INSYN2A: variants seen among roughly 807,000 people sequenced by gnomAD.
INSYN2A encodes the protein inhibitory synaptic factor 2A.
Under a neutral mutation model 39.4 loss-of-function variants are expected in INSYN2A, and 17 were observed. That is an observed-to-expected ratio of 0.43 (90% CI 0.30 to 0.65). The LOEUF is 0.65. Among genes scored for constraint, INSYN2A ranks in the 30% least tolerant of loss-of-function variants. The pLI is 0.14. For missense variants in INSYN2A, 595 were observed against 631.2 expected (o/e 0.94, Z 0.61); for synonymous variants, 255 against 265.7 (o/e 0.96, Z 0.39).
At chr10:127,186,828 G>A (rs780891465) in intron 2 of INSYN2A, among the ~76,000 whole-genome samples, 13 of 152,022 alleles carry the variant, frequency 8.6e-5, no homozygotes, top group East Asian at 1.9e-4. Context: ...TTAGGGGAAC[G>A]GTGAGTCGAG....
intron 1 of INSYN2A, among the ~76,000 whole-genome samples, 168 bp downstream of exon 1, chr10:127,195,829 C>T (rs1403773243): frequency 6.6e-6 from 1 of 152,166 alleles, no homozygotes; most frequent in African/African-American, 2.4e-5. Context: ...CTCCCGGCTG[C>T]ACCGGGGTGT....
rs528851154 is a variant in INSYN2A at position 127,164,372 on chromosome 10, G to A, written c.1185-10449C>T. ...CTAATTTTTGTATTTTTGTAGACAC[G>A]GGATTTCACCATGTTGGCCAGGCTG... On this transcript the variant is annotated intron_variant, in intron 4 of 5. Coordinates refer to ENST00000522781, the MANE Select transcript of INSYN2A (RefSeq NM_001039762.3). 4.0e-3 allele frequency among the ~76,000 whole-genome samples: 613 copies of A among 151,718 alleles called. 1 individual carries two copies. Among genetic ancestry groups the A allele is most frequent in the Admixed American group, 7.1e-3 (109 of 15,246 alleles).
At chr10:127,174,187 C>G (rs2133872754) in intron 4 of INSYN2A, among the ~76,000 whole-genome samples, 1 of 152,352 alleles carries the variant, frequency 6.6e-6, no homozygotes, top group Non-Finnish European at 1.5e-5. Context: ...GCTTGCTAAA[C>G]CCAGGGCTCA....
Position 127,175,737 on chromosome 10 carries a change from G to C in INSYN2A, c.659C>G (p.Pro220Arg). The change falls in exon 4 of 6, where the codon CCC (proline) becomes CGC (arginine). Residue 220 changes from proline to arginine, a missense_variant. By Grantham distance (103) the Pro-to-Arg change is moderately radical (BLOSUM62 -2). This residue lies in a region of INSYN2A where 478 missense variants were observed against 467.4 expected (regional missense o/e 1.02). Coordinates refer to ENST00000522781, the MANE Select transcript of INSYN2A (RefSeq NM_001039762.3). The surrounding 1 kb of genome is among the most constrained non-coding windows in gnomAD (Gnocchi z 6.3). ...GGCCCTCCCGAGCAGCTGGTAATCGGGCTCTTCGGATGGAGGCCGAGTGGA... is the reference window on the plus strand; with the variant it reads ...GGCCCTCCCGAGCAGCTGGTAATCGCGCTCTTCGGATGGAGGCCGAGTGGA... ...QNSTRPPSEE[P>R]DYQLLGRAKQ... The C allele has an allele frequency of 6.2e-7, 1 of 1,614,098 alleles. No individual in the cohort carries two copies. Among genetic ancestry groups the C allele is most frequent in the Non-Finnish European group, 8.5e-7 (1 of 1,180,042 alleles).
chr10:127,140,149 C>CT (rs537727819), intron 5 of INSYN2A, among the ~76,000 whole-genome samples: 9 of 152,182 alleles, frequency 5.9e-5, no homozygotes, highest in Non-Finnish European at 1.0e-4. Context: ...ATCTCCTAGG[C>CT]TAACAGTACA....
intron 2 of INSYN2A, among the ~76,000 whole-genome samples, chr10:127,183,173 A>G (rs1171013242): frequency 1.4e-5 from 2 of 147,642 alleles, no homozygotes; most frequent in Admixed American, 1.4e-4. Flanking sequence ...CCTAAAAATG[A>G]CTTATATCAA....
At chr10:127,184,201 T>A (rs2055999906) in intron 2 of INSYN2A, among the ~76,000 whole-genome samples, 1 of 152,150 alleles carries the variant, frequency 6.6e-6, no homozygotes, top group Admixed American at 6.5e-5. Context: ...AAGGCAGGAC[T>A]GGACTTGGTT....
At chr10:127,172,910 G>A (rs2054714338) in intron 4 of INSYN2A, among the ~76,000 whole-genome samples, 1 of 152,160 alleles carries the variant, frequency 6.6e-6, no homozygotes, top group Admixed American at 6.5e-5. Flanking sequence ...TGTGGCTATC[G>A]AGCATTTGAA....
rs1331672769 is a variant in INSYN2A at position 127,175,948 on chromosome 10, T to C, written c.448A>G (p.Lys150Glu). The part of the protein sequence containing the change: ...NNGFLTDAKE[K>E]NEAGPMEEAR... The stretch of plus-strand genomic sequence containing the variant: ...TCCTCCATGGGTCCAGCCTCGTTCT[T>C]CTCTTTCGCATCTGTTAGAAACCCA... The change falls in exon 4 of 6, where the codon AAG becomes GAG. Residue 150 changes from lysine (K) to glutamate (E), a missense_variant. This residue lies in a region of INSYN2A where 478 missense variants were observed against 467.4 expected (regional missense o/e 1.02). Coordinates refer to ENST00000522781, the MANE Select transcript of INSYN2A (RefSeq NM_001039762.3). The surrounding 1 kb of genome is among the most constrained non-coding windows in gnomAD (Gnocchi z 6.3). 1 of 1,614,196 alleles carries C rather than the reference T, an allele frequency of 6.2e-7. No individual in the cohort carries two copies. Among genetic ancestry groups the C allele is most frequent in the African/African-American group, 1.3e-5 (1 of 75,056 alleles).
chr10:127,162,204 G>A (rs144658128), intron 4 of INSYN2A, among the ~76,000 whole-genome samples: 31 of 152,292 alleles, frequency 2.0e-4, no homozygotes, highest in African/African-American at 7.2e-4. Context: ...TCTTTCTGGG[G>A]AAGGGCAAAT....
In INSYN2A at chr10:127,145,475, C is replaced by T. The variant is rs1201482045; in HGVS notation, c.1257-7455G>A. On this transcript the variant is annotated intron_variant, in intron 5 of 5. Transcript: ENST00000522781. ...CCTCAGTGAAGAACAGCCAGTTTTC[C>T]AACTTTTGACAGAAACTGTGTTATA... Among the ~76,000 whole-genome samples, 3 of 152,152 alleles carry T rather than the reference C, an allele frequency of 2.0e-5. No individual in the cohort carries two copies. The East Asian group carries it at 5.8e-4, about 29-fold the overall frequency.
At chr10:127,150,727 A>C (rs557570630) in intron 5 of INSYN2A, among the ~76,000 whole-genome samples, 6 of 152,362 alleles carry the variant, frequency 3.9e-5, no homozygotes, top group African/African-American at 1.4e-4. Context: ...ATTGCTGTGG[A>C]TTCAGTGCTT....
chr10:127,144,261 CCTT>C (rs1400691031), intron 5 of INSYN2A, among the ~76,000 whole-genome samples: 1 of 152,294 alleles, frequency 6.6e-6, no homozygotes, highest in East Asian at 1.9e-4. Context: ...ACACGTCACT[CCTT>C]CTTTCTGTGG....
chr10:127,146,856 A>G (rs2133383241), intron 5 of INSYN2A, among the ~76,000 whole-genome samples: 1 of 152,260 alleles, frequency 6.6e-6, no homozygotes, highest in East Asian at 1.9e-4. Context: ...TACAAATGCA[A>G]TTACCACTCT....
intron 5 of INSYN2A, among the ~76,000 whole-genome samples, chr10:127,153,233 T>G (rs1892137): frequency 6.6e-6 from 1 of 152,152 alleles, no homozygotes; most frequent in Non-Finnish European, 1.5e-5. Flanking sequence ...GTTTTGACTA[T>G]ATCTTAAAAT....
chr10:127,144,253 A>G (rs887160264), intron 5 of INSYN2A, among the ~76,000 whole-genome samples: 1 of 152,016 alleles, frequency 6.6e-6, no homozygotes, highest in African/African-American at 2.4e-5. Flanking sequence ...CCTAGGTCAC[A>G]CGTCACTCCT....
intron 5 of INSYN2A, among the ~76,000 whole-genome samples, chr10:127,139,805 C>T (rs1344880863): frequency 6.6e-6 from 1 of 152,160 alleles, no homozygotes; most frequent in African/African-American, 2.4e-5. Flanking sequence ...TGGTGACAAT[C>T]TCTCCCCACT....
chr10:127,175,972 C>T lies in INSYN2A; in HGVS notation c.424G>A (p.Gly142Arg), dbSNP rs760287894. 34 of 1,614,082 alleles carry T rather than the reference C, an allele frequency of 2.1e-5. No homozygotes were observed. Among genetic ancestry groups the T allele is most frequent in the Non-Finnish European group, 2.9e-5 (34 of 1,180,036 alleles). Residue 142 changes from glycine (G) to arginine (R), a missense_variant, in exon 4 of 6, where the codon GGG becomes AGG. By Grantham distance (125) the Gly-to-Arg change is moderately radical. Coordinates refer to ENST00000522781, the MANE Select transcript of INSYN2A (RefSeq NM_001039762.3). This position sits in a 1 kb window ranked among gnomAD's most constrained non-coding sequence, Gnocchi z 6.3. ...AADPFKSQNN[G>R]FLTDAKEKNE... ...TTCTCTTTCGCATCTGTTAGAAACC[C>T]ATTGTTTTGGCTTTTAAAGGGATCT...
chr10:127,140,357 A>G (rs1268690553), intron 5 of INSYN2A, among the ~76,000 whole-genome samples: 3 of 152,164 alleles, frequency 2.0e-5, no homozygotes, highest in African/African-American at 7.2e-5. Context: ...GGAATCTGCA[A>G]CCAGAGGCAG....
Sources: gnomAD v4.1 joint callset for allele counts (sites outside exome capture counted in the v4.1 genomes callset) on GRCh38, gnomAD v4.1.1 for gene constraint, gnomAD v4.1.1 regional missense constraint, Gnocchi (gnomAD v3.1) non-coding constraint, MANE v1.5 for transcripts, NCBI Gene and HGNC (gene_info 2026-07-23, HGNC 2026-07-21) for gene names.